MUS81: variants seen among roughly 807,000 people sequenced by gnomAD.
MUS81 encodes structure-specific endonuclease subunit MUS81.
In MUS81, 69 loss-of-function variants were observed where a neutral mutation model predicts 74.2. The observed-to-expected ratio is 0.93, with a 90% CI of 0.77 to 1.14. MUS81 has a LOEUF of 1.14. Among genes scored for constraint, MUS81 ranks in the 50% most tolerant of loss-of-function variants. The pLI is 0.00. For missense variants in MUS81, 711 were observed against 726.5 expected, an observed-to-expected ratio of 0.98 and a Z score of 0.25; for synonymous variants, 303 against 300.6, an observed-to-expected ratio of 1.01 and a Z score of -0.08.
intron 6 of MUS81, 141 bp from the exon 7 acceptor site, chr11:65,862,924 A>T: frequency 9.7e-7 from 1 of 1,029,402 alleles, no homozygotes; most frequent in Non-Finnish European, 1.5e-6. Context: ...AGCCAAGAAG[A>T]CCAGGAGGAG....
At chr11:65,867,437 C>A (rs1027777536), downstream of MUS81, 16 of 435,448 alleles carry the variant, frequency 3.7e-5, no homozygotes, top group Non-Finnish European at 6.8e-5. Context: ...AAGAGAAGGG[C>A]TGGTACTAGA....
At chr11:65,862,865 C>T (rs551246466) in intron 6 of MUS81, among the ~76,000 whole-genome samples, 200 bp from the exon 7 acceptor site, 13 of 152,366 alleles carry the variant, frequency 8.5e-5, no homozygotes, top group Admixed American at 3.3e-4. Flanking sequence ...AGACACACTT[C>T]TTGCAGACCT....
At position 65,862,022 on chromosome 11, in the gene MUS81, C is replaced by T; in HGVS notation, c.427C>T (p.Leu143=). The stretch of plus-strand genomic sequence containing the variant: ...GCACTCAGGAGCCCGAGTGATACTG[C>T]TGGTGCTCTACCGGGAGCACCTGGT... The part of the protein sequence containing the change: ...ARHSGARVIL[L]VLYREHLNPN... The change falls in exon 4 of 16, where the codon CTG becomes TTG. Residue 143 remains leucine (L), a synonymous_variant. Transcript: ENST00000308110. 1 of 1,610,078 alleles carries T rather than the reference C, an allele frequency of 6.2e-7. No homozygotes were observed. The highest frequency in any genetic ancestry group is 8.5e-7 in the Non-Finnish European group (1 of 1,178,620).
chr11:65,865,885 G>A lies in MUS81; in HGVS notation c.1580G>A (p.Arg527His), dbSNP rs376802866. The A allele has an allele frequency of 1.6e-5, 26 of 1,614,056 alleles. No individual in the cohort carries two copies. The highest frequency in any genetic ancestry group is 6.7e-5 in the East Asian group (3 of 44,896). ...ETLLSTIKCG[R>H]LQRNLGPALS... ...CTGCTGAGCACCATTAAGTGTGGGCGTCTACAGAGGTGAGGGCAAGAGACG... is the reference window on the plus strand; with the variant it reads ...CTGCTGAGCACCATTAAGTGTGGGCATCTACAGAGGTGAGGGCAAGAGACG... Residue 527 changes from arginine (R) to histidine (H), a missense_variant, in exon 15 of 16, where the codon CGT becomes CAT. Coordinates refer to ENST00000308110, the MANE Select transcript of MUS81 (RefSeq NM_025128.5).
chr11:65,861,121 G>A lies in MUS81; in HGVS notation c.265+19G>A, dbSNP rs758896211. ...TCGGGCGGTGAGCGCCTCGGAAAGG[G>A]GTCGGTGATCCCCCACCTCCCCCAG... On this transcript the variant is annotated intron_variant, in intron 2 of 15. Transcript: ENST00000308110. The A allele has an allele frequency of 2.5e-6, 4 of 1,611,726 alleles. No individual in the cohort carries two copies. Among genetic ancestry groups the A allele is most frequent in the African/African-American group, 1.3e-5 (1 of 74,930 alleles).
At chr11:65,861,551 G>T (rs1859606528) in intron 3 of MUS81, 116 bp downstream of exon 3, 4 of 779,054 alleles carry the variant, frequency 5.1e-6, no homozygotes, top group Non-Finnish European at 6.1e-6. Flanking sequence ...CTGGCCTTGA[G>T]CAAATGACTT....
rs1429266920 is a variant in MUS81, at chr11:65,865,560, C to T, written c.1505+237C>T. 6.4e-6 allele frequency: 4 copies of T among 624,106 alleles called. No homozygotes were observed. In the South Asian group the frequency reaches 7.9e-5, roughly 12 times the overall value. The allele number at this position is 624,106 out of a possible 1,614,324, so 38.7% of individuals were successfully genotyped here. A position where few individuals can be genotyped will look rare whatever the true frequency, so the allele number is the denominator to read the frequency against. On this transcript the variant is annotated intron_variant, in intron 14 of 15. Coordinates refer to ENST00000308110, the MANE Select transcript of MUS81 (RefSeq NM_025128.5). ...GACGTCCCACCTGGTGGAGAAGAGG[C>T]TTCCTGGAGAAGGGGTTGGGCCATT...
Position 65,862,472 on chromosome 11 carries a change from C to A in MUS81, c.548C>A (p.Pro183Gln), listed in dbSNP as rs1175900807. Residue 183 changes from proline to glutamine, a missense_variant, in exon 6 of 16, where the codon CCA becomes CAA. Transcript: ENST00000308110. The stretch of plus-strand genomic sequence containing the variant: ...GCCCCTGGGAGTGCTCGACCCTGGC[C>A]AGCCCTCCGCTCCCTCCTTCACAGG... ...RVAPGSARPW[P>Q]ALRSLLHRNL... is the part of the protein sequence containing the mutation. 1 of 1,613,852 alleles carries A rather than the reference C, an allele frequency of 6.2e-7. No individual in the cohort carries two copies. The highest frequency in any genetic ancestry group is 2.2e-5 in the East Asian group (1 of 44,894).
At position 65,862,015 on chromosome 11, in the gene MUS81, G is replaced by A; in HGVS notation, c.420G>A (p.Val140=). ...CAGCTCGGCACTCAGGAGCCCGAGT[G>A]ATACTGCTGGTGCTCTACCGGGAGC... ...YWPARHSGAR[V]ILLVLYREHL... is the part of the protein sequence containing the mutation. Residue 140 remains valine, a synonymous_variant, in exon 4 of 16, where the codon GTG becomes GTA. Coordinates refer to ENST00000308110, the MANE Select transcript of MUS81 (RefSeq NM_025128.5). 1.2e-6 allele frequency: 2 copies of A among 1,610,536 alleles called. No homozygotes were observed. Among genetic ancestry groups the A allele is most frequent in the Non-Finnish European group, 1.7e-6 (2 of 1,178,834 alleles).
In MUS81 at chr11:65,865,025, C is replaced by T; in HGVS notation, c.1281C>T (p.Thr427=). 1 of 1,613,684 alleles carries T rather than the reference C, an allele frequency of 6.2e-7. No homozygotes were observed. Among genetic ancestry groups the T allele is most frequent in the Non-Finnish European group, 8.5e-7 (1 of 1,180,016 alleles). ...GTCCCTTCTTCCCTCAGGGCCACAC[C>T]CTACGCAGCCGCCCCTGGGGAACCC... The part of the protein sequence containing the change: ...RGLQRLYQGH[T]LRSRPWGTPG... Residue 427 remains threonine (T), a synonymous_variant, in exon 13 of 16, where the codon ACC becomes ACT. Coordinates refer to ENST00000308110, the MANE Select transcript of MUS81 (RefSeq NM_025128.5).
intron 6 of MUS81, 67 bp downstream of exon 6, chr11:65,862,596 C>T (rs1185465616): frequency 7.1e-7 from 1 of 1,411,060 alleles, no homozygotes; most frequent in Admixed American, 1.7e-5. Context: ...TAGAGTCACC[C>T]AACAACTCCC....
Position 65,861,464 on chromosome 11 carries a change from C to T in MUS81, c.351+29C>T, listed in dbSNP as rs964298502. The T allele has an allele frequency of 7.7e-6, 12 of 1,563,064 alleles. No individual in the cohort carries two copies. The African/African-American group carries it at 1.5e-4, about 19-fold the overall frequency. The stretch of plus-strand genomic sequence containing the variant: ...AGGAAGGGGCAAGGGGAGTGGAAGG[C>T]AAAGTGGGAGTGCGGGAGTATGATT... On this transcript the variant is annotated intron_variant, in intron 3 of 15. Coordinates refer to ENST00000308110, the MANE Select transcript of MUS81 (RefSeq NM_025128.5).
At chr11:65,865,358 C>T (rs113439216) in intron 14 of MUS81, 35 bp downstream of exon 14, 62 of 1,586,478 alleles carry the variant, frequency 3.9e-5, no homozygotes, top group African/African-American at 1.5e-4. Flanking sequence ...GTCCTCAGCC[C>T]CTGCCCTCCA....
rs1313916547 is a variant in MUS81 at position 65,865,271 on chromosome 11, G to A, written c.1453G>A (p.Val485Met). ...CCGGCAGCTGATGCAGGTGCGCGGA[G>A]TGAGTGGGGAGAAGGCAGCAGCCCT... ...FARQLMQVRG[V>M]SGEKAAALVD... is the part of the protein sequence containing the mutation. The change falls in exon 14 of 16, where the codon GTG (valine) becomes ATG (methionine). Residue 485 changes from valine to methionine, a missense_variant. Val to Met is a conservative substitution (Grantham distance 21, BLOSUM62 1). Coordinates refer to ENST00000308110, the MANE Select transcript of MUS81 (RefSeq NM_025128.5). 1 of 1,614,180 alleles carries A rather than the reference G, an allele frequency of 6.2e-7. No individual in the cohort carries two copies. Among genetic ancestry groups the A allele is most frequent in the Admixed American group, 1.7e-5 (1 of 60,026 alleles).
chr11:65,860,972 G>A lies in MUS81; in HGVS notation c.136-1G>A, dbSNP rs1393687958. 2.5e-6 allele frequency: 4 copies of A among 1,611,682 alleles called. No individual in the cohort carries two copies. The African/African-American group carries it at 4.0e-5, about 16-fold the overall frequency. On this transcript the variant is annotated splice_acceptor_variant, in intron 1 of 15. Coordinates refer to ENST00000308110, the MANE Select transcript of MUS81 (RefSeq NM_025128.5). LOFTEE classifies it high-confidence loss of function. The stretch of plus-strand genomic sequence containing the variant: ...CAGGTACCCTACCCCTGCCCGGCCA[G>A]GCGCTGCGTTCCCTCCGACGGTACC...
chr11:65,863,533 G>A, intron 8 of MUS81, 31 bp downstream of exon 8: 2 of 1,614,038 alleles, frequency 1.2e-6, no homozygotes, highest in South Asian at 1.1e-5. Flanking sequence ...CGAGGGAGAT[G>A]ATCAGAGGAG....
chr11:65,863,545 C>G, intron 8 of MUS81, 43 bp downstream of exon 8: 1 of 1,613,924 alleles, frequency 6.2e-7, no homozygotes, highest in Non-Finnish European at 8.5e-7. Flanking sequence ...TCAGAGGAGG[C>G]TGGGGGGTAG....
In MUS81 at chr11:65,863,425, G is replaced by A; in HGVS notation, c.762G>A (p.Gly254=). ...CCCCACTTAGTGCCAGTGAAGCAGGGGTCCAGCAGCAGCCACTGGAGCTGA... is the reference window on the plus strand; with the variant it reads ...CCCCACTTAGTGCCAGTGAAGCAGGAGTCCAGCAGCAGCCACTGGAGCTGA... The part of the protein sequence containing the change: ...AASAELASEA[G]VQQQPLELRP... The change falls in exon 8 of 16, where the codon GGG becomes GGA. Residue 254 remains glycine (G), a synonymous_variant. Coordinates refer to ENST00000308110, the MANE Select transcript of MUS81 (RefSeq NM_025128.5). 1 of 1,614,152 alleles carries A rather than the reference G, an allele frequency of 6.2e-7. No individual in the cohort carries two copies. The highest frequency in any genetic ancestry group is 8.5e-7 in the Non-Finnish European group (1 of 1,180,012).
intron 10 of MUS81, chr11:65,864,271 G>A (rs2134735521): frequency 1.7e-6 from 1 of 598,406 alleles, no homozygotes; most frequent in Middle Eastern, 4.2e-4. Context: ...GGGGAGGCTT[G>A]AAGGATGGGC....
Sources: gnomAD v4.1 joint callset for allele counts (sites outside exome capture counted in the v4.1 genomes callset) on GRCh38, gnomAD v4.1.1 for gene constraint, MANE v1.5 for transcripts, NCBI Gene and HGNC (gene_info 2026-07-23, HGNC 2026-07-21) for gene names.